Variants in PARD3B observed in about 807,000 individuals in gnomAD.
PARD3B encodes partitioning defective 3 homolog B.
A neutral mutation model predicts 130.2 loss-of-function variants in PARD3B; 103 were observed. That is an observed-to-expected ratio of 0.79 (90% CI 0.67 to 0.93). PARD3B has a LOEUF of 0.93. Among genes scored for constraint, PARD3B ranks in the 40% least tolerant of loss-of-function variants. The probability of loss-of-function intolerance (pLI) is 0.00; values close to 1 mark genes in which losing one functional copy is unlikely to be tolerated. For missense variants in PARD3B, 1,609 were observed against 1,499.2 expected (o/e 1.07, Z -1.21); for synonymous variants, 583 against 553.2 (o/e 1.05, Z -0.76).
chr2:205,389,134 AT>A (rs912237805), intron 18 of PARD3B, among the ~76,000 whole-genome samples: 10 of 151,598 alleles, frequency 6.6e-5, no homozygotes, highest in Admixed American at 4.6e-4. Context: ...CAGGATATAA[AT>A]TTTTTTTTCT....
intron 2 of PARD3B, among the ~76,000 whole-genome samples, chr2:204,829,592 T>C (rs2043726139): frequency 6.6e-6 from 1 of 152,146 alleles, no homozygotes; most frequent in Admixed American, 6.5e-5. Context: ...TGAATTGTAA[T>C]CCCCAGTGTT....
intron 18 of PARD3B, among the ~76,000 whole-genome samples, chr2:205,382,270 T>A (rs1019270886): frequency 2.0e-5 from 3 of 152,104 alleles, no homozygotes; most frequent in African/African-American, 7.2e-5. Context: ...TACTTTGGAA[T>A]GTAGTAGTGA....
intron 2 of PARD3B, among the ~76,000 whole-genome samples, chr2:204,879,846 C>G (rs1027881819): frequency 6.6e-6 from 1 of 152,158 alleles, no homozygotes; most frequent in Non-Finnish European, 1.5e-5. Flanking sequence ...TTTGCAAAGC[C>G]CGGATATCAG....
At chr2:205,186,670 C>T (rs1182621992) in intron 14 of PARD3B, among the ~76,000 whole-genome samples, 1 of 152,082 alleles carries the variant, frequency 6.6e-6, no homozygotes, top group Non-Finnish European at 1.5e-5. Context: ...GTATAGCTAA[C>T]TGTATTAGGT....
chr2:204,843,851 A>G (rs1303074720), intron 2 of PARD3B, among the ~76,000 whole-genome samples: 3 of 152,142 alleles, frequency 2.0e-5, no homozygotes, highest in Non-Finnish European at 4.4e-5. Context: ...CATACATGTT[A>G]TTCAGAGGAT....
chr2:204,790,500 G>A (rs1455768446), intron 2 of PARD3B, among the ~76,000 whole-genome samples: 1 of 152,202 alleles, frequency 6.6e-6, no homozygotes, highest in Non-Finnish European at 1.5e-5. Context: ...AAGACGTGGT[G>A]TGTTATAAGA....
chr2:205,513,437 C>T (rs1413554052), intron 21 of PARD3B, among the ~76,000 whole-genome samples: 1 of 152,000 alleles, frequency 6.6e-6, no homozygotes, highest in African/African-American at 2.4e-5. Context: ...CATTTTTTAT[C>T]AAGCATTCAA....
At chr2:205,373,782 G>A (rs1016305834) in intron 18 of PARD3B, among the ~76,000 whole-genome samples, 2 of 152,112 alleles carry the variant, frequency 1.3e-5, no homozygotes, top group Non-Finnish European at 2.9e-5. Context: ...ATCCAGTAAA[G>A]GTTGCCTTCA....
At chr2:205,035,110 C>A (rs71427766) in intron 3 of PARD3B, among the ~76,000 whole-genome samples, 34 of 151,848 alleles carry the variant, frequency 2.2e-4, no homozygotes, top group Non-Finnish European at 3.7e-4. Context: ...TGATCCCCCC[C>A]CCTCAGCCTC....
intron 16 of PARD3B, among the ~76,000 whole-genome samples, chr2:205,282,068 T>C (rs1273356201): frequency 2.6e-5 from 4 of 152,182 alleles, no homozygotes; most frequent in African/African-American, 9.7e-5. Context: ...GAAAAACTCT[T>C]AATACAGCAT....
chr2:205,281,975 C>T lies in PARD3B; in HGVS notation c.2186-18555C>T, dbSNP rs1046438833. Among the ~76,000 whole-genome samples the T allele has an allele frequency of 2.6e-5, 4 of 152,044 alleles. No individual in the cohort carries two copies. The highest frequency in any genetic ancestry group is 9.7e-5 in the African/African-American group (4 of 41,386). ...TTTTGTTCACTTTGTTGAAAATTTC[C>T]CATTCGTTTTCTAATTATCAAAAAT... On this transcript the variant is annotated intron_variant, in intron 16 of 22. Coordinates refer to ENST00000406610, the MANE Select transcript of PARD3B (RefSeq NM_001302769.2). This position sits in a 1 kb window ranked among gnomAD's most constrained non-coding sequence, Gnocchi z 4.2.
At chr2:205,202,634 G>T (rs550507528) in intron 15 of PARD3B, among the ~76,000 whole-genome samples, 1 of 152,140 alleles carries the variant, frequency 6.6e-6, no homozygotes, top group South Asian at 2.1e-4. Flanking sequence ...TATTGAATGA[G>T]TGAATAAGAG....
At chr2:204,602,994 C>T (rs2033575719) in intron 1 of PARD3B, among the ~76,000 whole-genome samples, 2 of 152,070 alleles carry the variant, frequency 1.3e-5, no homozygotes, top group African/African-American at 2.4e-5. Context: ...TGAAATAAAC[C>T]CCTTGTTACT....
At chr2:205,236,298 C>T (rs976184125) in intron 15 of PARD3B, among the ~76,000 whole-genome samples, 4 of 152,202 alleles carry the variant, frequency 2.6e-5, no homozygotes, top group Admixed American at 2.6e-4. Flanking sequence ...AGACATTCTT[C>T]CAGATAAATA....
rs187960388 is a variant in PARD3B at position 205,335,563 on chromosome 2, T to C, written c.2630+33862T>C. The stretch of plus-strand genomic sequence containing the variant: ...AACGTGGCTGTTCCAACATGTTGGA[T>C]CATCTTGCAGAGCCACATAACACTG... On this transcript the variant is annotated intron_variant, in intron 18 of 22. Transcript: ENST00000406610. Among the ~76,000 whole-genome samples, 207 of 152,124 alleles carry C rather than the reference T, an allele frequency of 1.4e-3. 1 individual carries two copies. In the East Asian group the frequency reaches 0.024, roughly 18 times the overall value.
rs571315784 is a variant in PARD3B at position 205,154,546 on chromosome 2, G to C, written c.1435-4176G>C. 2.0e-5 allele frequency among the ~76,000 whole-genome samples: 3 copies of C among 152,266 alleles called. No individual in the cohort carries two copies. In the South Asian group the frequency reaches 6.2e-4, roughly 32 times the overall value. On this transcript the variant is annotated intron_variant, in intron 10 of 22. Transcript: ENST00000406610. ...TTTGACCCATCAATCCCATTACTGG[G>C]TATATACCCAAAGGATTATAAATCA...
Position 205,253,309 on chromosome 2 carries a change from G to T in PARD3B, c.2185+7487G>T. On this transcript the variant is annotated intron_variant, in intron 16 of 22. Transcript: ENST00000406610. The surrounding 1 kb of genome is among the most constrained non-coding windows in gnomAD (Gnocchi z 4.4). Reference sequence around the variant, plus strand: ...ATGTATTAACACAAAGGCTCTGGCCGCCCCCCTACAAAGGAGGCCATGGAA... The same window carrying T: ...ATGTATTAACACAAAGGCTCTGGCCTCCCCCCTACAAAGGAGGCCATGGAA... 2 of 513,258 alleles carry T rather than the reference G, an allele frequency of 3.9e-6. No homozygotes were observed. The highest frequency in any genetic ancestry group is 7.9e-6 in the Non-Finnish European group (2 of 252,884). 31.8% of individuals were successfully genotyped at this position (513,258 alleles called of 1,614,324 possible). A position where few individuals can be genotyped will look rare whatever the true frequency, so the allele number is the denominator to read the frequency against.
intron 3 of PARD3B, among the ~76,000 whole-genome samples, chr2:205,046,654 G>T (rs1381901626): frequency 2.0e-5 from 3 of 152,238 alleles, no homozygotes; most frequent in Non-Finnish European, 2.9e-5. Context: ...CGCTTCAGAG[G>T]TTTGGGGAAT....
intron 22 of PARD3B, among the ~76,000 whole-genome samples, chr2:205,586,638 A>T (rs2054206416): frequency 6.6e-6 from 1 of 151,772 alleles, no homozygotes; most frequent in Non-Finnish European, 1.5e-5. Flanking sequence ...TTATATACAT[A>T]TATATAATTT....
Sources: allele counts gnomAD v4.1 joint callset (sites outside exome capture counted in the v4.1 genomes callset), GRCh38; gene constraint gnomAD v4.1.1; non-coding constraint Gnocchi (gnomAD v3.1); transcripts MANE v1.5; gene names NCBI Gene and HGNC (gene_info 2026-07-23, HGNC 2026-07-21).